Variants in PRXL2A observed in about 807,000 individuals in gnomAD.
The protein encoded by PRXL2A is peroxiredoxin like 2A, also known as peroxiredoxin-like 2A.
A neutral mutation model predicts 25.6 loss-of-function variants in PRXL2A; 26 were observed. The observed-to-expected ratio is 1.02, with a 90% confidence interval of 0.74 to 1.41. The LOEUF (loss-of-function observed/expected upper bound fraction) is 1.41. Among genes scored for constraint, PRXL2A ranks in the 40% most tolerant of loss-of-function variants. The pLI is 0.00. For missense variants in PRXL2A, 246 were observed against 273.9 expected, an observed-to-expected ratio of 0.90 and a Z score of 0.72; for synonymous variants, 98 against 102.9, an observed-to-expected ratio of 0.95 and a Z score of 0.29.
rs1845347264 is a variant in PRXL2A at position 80,434,405 on chromosome 10, G to C, written c.*2306G>C. 1 of 152,182 alleles carries C rather than the reference G, an allele frequency of 6.6e-6. No homozygotes were observed. Among genetic ancestry groups the C allele is most frequent in the Non-Finnish European group, 1.5e-5 (1 of 68,038 alleles). The allele number at this position is 152,182 out of a possible 1,614,324, so 9.4% of individuals were successfully genotyped here. A position where few individuals can be genotyped will look rare whatever the true frequency, so the allele number is the denominator to read the frequency against. ...TCCCATTCAGGGCTGTTTATGATAA[G>C]TCACTGAGGGAATGATAAATATTAT... On this transcript the variant is annotated 3_prime_UTR_variant, in exon 6 of 6. Transcript: ENST00000606162.
rs1359443820 is a variant in PRXL2A, at chr10:80,420,663, A to G, written c.178+18A>G. 1.9e-6 allele frequency: 3 copies of G among 1,550,562 alleles called. No individual in the cohort carries two copies. Among genetic ancestry groups the G allele is most frequent in the Non-Finnish European group, 2.6e-6 (3 of 1,141,818 alleles). ...GGAGAAGGGTAAGTGGTGACCCTTCAGGTCTCAGTACTTTTCCAAGGAGCT... is the reference window on the plus strand; with the variant it reads ...GGAGAAGGGTAAGTGGTGACCCTTCGGGTCTCAGTACTTTTCCAAGGAGCT... On this transcript the variant is annotated intron_variant, in intron 2 of 5. Coordinates refer to ENST00000606162, the MANE Select transcript of PRXL2A (RefSeq NM_032333.5).
At chr10:80,418,298 C>T (rs1589555061) in intron 1 of PRXL2A, among the ~76,000 whole-genome samples, 1 of 152,160 alleles carries the variant, frequency 6.6e-6, no homozygotes, top group African/African-American at 2.4e-5. Context: ...GGTTAGTTCA[C>T]TTAGGATGAT....
intron 5 of PRXL2A, among the ~76,000 whole-genome samples, chr10:80,428,177 A>G (rs1845117273): frequency 6.6e-6 from 1 of 152,110 alleles, no homozygotes; most frequent in African/African-American, 2.4e-5. Context: ...CCTGGCTGTG[A>G]GGCTCCACAA....
intron 5 of PRXL2A, among the ~76,000 whole-genome samples, chr10:80,429,082 TCA>T (rs1351928328): frequency 3.3e-5 from 5 of 151,992 alleles, no homozygotes; most frequent in African/African-American, 9.7e-5. Flanking sequence ...TTTTGTATTT[TCA>T]GTAGAGACAG....
chr10:80,420,934 G>C (rs1251638088), intron 2 of PRXL2A, among the ~76,000 whole-genome samples: 1 of 152,068 alleles, frequency 6.6e-6, no homozygotes, highest in Non-Finnish European at 1.5e-5. Context: ...CTCTGTTGTT[G>C]TCTCTGTAAT....
intron 1 of PRXL2A, among the ~76,000 whole-genome samples, 176 bp downstream of exon 1, chr10:80,408,819 C>T (rs1844356291): frequency 6.6e-6 from 1 of 152,170 alleles, no homozygotes; most frequent in Non-Finnish European, 1.5e-5. Flanking sequence ...CGCTGGCGCT[C>T]CCTCCGAGGA....
intron 1 of PRXL2A, among the ~76,000 whole-genome samples, chr10:80,417,816 A>G (rs1342354275): frequency 1.4e-5 from 2 of 145,408 alleles, no homozygotes; most frequent in Non-Finnish European, 3.0e-5. Context: ...GTTCTGGGCT[A>G]TAGTGATCCT....
At chr10:80,410,445 C>T (rs1844440286) in intron 1 of PRXL2A, among the ~76,000 whole-genome samples, 1 of 152,236 alleles carries the variant, frequency 6.6e-6, no homozygotes, top group Non-Finnish European at 1.5e-5. Flanking sequence ...GAACGTTCAC[C>T]AGAAAGCAGG....
chr10:80,410,169 T>G (rs568972151), intron 1 of PRXL2A, among the ~76,000 whole-genome samples: 1 of 152,390 alleles, frequency 6.6e-6, no homozygotes, highest in South Asian at 2.1e-4. Context: ...AGTTGGGTTC[T>G]TGCTTCTTTG....
intron 5 of PRXL2A, among the ~76,000 whole-genome samples, chr10:80,429,300 G>A (rs1280453303): frequency 2.0e-5 from 3 of 152,210 alleles, no homozygotes; most frequent in African/African-American, 7.2e-5. Context: ...AAGTGTCTTA[G>A]TAATAATGGT....
At chr10:80,421,486 A>G (rs1844862675) in intron 2 of PRXL2A, among the ~76,000 whole-genome samples, 1 of 152,134 alleles carries the variant, frequency 6.6e-6, no homozygotes, top group African/African-American at 2.4e-5. Flanking sequence ...TTTAGTAAGT[A>G]AGGAAGCTTG....
intron 1 of PRXL2A, chr10:80,420,265 C>G (rs1199939104): frequency 4.9e-5 from 65 of 1,327,994 alleles, no homozygotes; most frequent in Non-Finnish European, 5.3e-5. Context: ...GTGCAGGAAC[C>G]TCCATGTGTG....
In PRXL2A at chr10:80,435,230, AT is replaced by A. The variant is rs1041493616; in HGVS notation, c.*3133del. The A allele has an allele frequency of 6.6e-6, 1 of 152,198 alleles. No homozygotes were observed. Among genetic ancestry groups the A allele is most frequent in the Non-Finnish European group, 1.5e-5 (1 of 68,052 alleles). The allele number at this position is 152,198 out of a possible 1,614,324, so 9.4% of individuals were successfully genotyped here. ...CTCCATCTCAAGAAAAACGAGGGAGATTAGAAACCTATGATCAGGCATTGGC... is the reference window on the plus strand; with the variant it reads ...CTCCATCTCAAGAAAAACGAGGGAGATAGAAACCTATGATCAGGCATTGGC... On this transcript the variant is annotated 3_prime_UTR_variant, in exon 6 of 6. Coordinates refer to ENST00000606162, the MANE Select transcript of PRXL2A (RefSeq NM_032333.5).
At position 80,420,654 on chromosome 10, in the gene PRXL2A, T is replaced by A. The variant is rs749990998; in HGVS notation, c.178+9T>A. The A allele has an allele frequency of 6.3e-7, 1 of 1,585,920 alleles. No homozygotes were observed. The highest frequency in any genetic ancestry group is 1.1e-5 in the South Asian group (1 of 87,046). Reference sequence around the variant, plus strand: ...GAAAACACTGGAGAAGGGTAAGTGGTGACCCTTCAGGTCTCAGTACTTTTC... The same window carrying A: ...GAAAACACTGGAGAAGGGTAAGTGGAGACCCTTCAGGTCTCAGTACTTTTC... On this transcript the variant is annotated intron_variant, in intron 2 of 5. Transcript: ENST00000606162.
At chr10:80,420,919 T>C (rs1442757704) in intron 2 of PRXL2A, among the ~76,000 whole-genome samples, 1 of 152,226 alleles carries the variant, frequency 6.6e-6, no homozygotes, top group Non-Finnish European at 1.5e-5. Context: ...AAAGCATTTC[T>C]CATTCTCTGT....
rs7070390 is a variant in PRXL2A at position 80,417,821 on chromosome 10, G to A, written c.-2-2645G>A. Reference sequence around the variant, plus strand: ...CTAGGCTGGAGTTCTGGGCTATAGTGATCCTACCACCTCAGCCTCCCAAAT... The same window carrying A: ...CTAGGCTGGAGTTCTGGGCTATAGTAATCCTACCACCTCAGCCTCCCAAAT... On this transcript the variant is annotated intron_variant, in intron 1 of 5. Transcript: ENST00000606162. Among the ~76,000 whole-genome samples the A allele has an allele frequency of 8.8e-3, 1,281 of 145,990 alleles. 21 individuals are homozygous for A. Among genetic ancestry groups the A allele is most frequent in the African/African-American group, 0.031 (1,231 of 39,490 alleles).
chr10:80,420,494 CT>C lies in PRXL2A; in HGVS notation c.29del (p.Phe10SerfsTer43). 1 of 1,600,096 alleles carries C rather than the reference CT, an allele frequency of 6.2e-7. No individual in the cohort carries two copies. The highest frequency in any genetic ancestry group is 8.5e-7 in the Non-Finnish European group (1 of 1,171,994). On this transcript the variant is annotated frameshift_variant, in exon 2 of 6. Transcript: ENST00000606162. LOFTEE classifies it high-confidence loss of function. MSFLQDPSF[F>X]TMGMWSIGAG... ...TGTCTTTCCTCCAGGACCCAAGTTT[CT>C]TCACCATGGGGATGTGGTCCATTGG...
chr10:80,423,747 C>T (rs190407816), intron 3 of PRXL2A, among the ~76,000 whole-genome samples: 1 of 152,056 alleles, frequency 6.6e-6, no homozygotes, highest in Admixed American at 6.5e-5. Flanking sequence ...ACAAAGCCAC[C>T]CGGATCGGGG....
At chr10:80,420,367 C>T in intron 1 of PRXL2A, 99 bp from the exon 2 acceptor site, 2 of 1,500,232 alleles carry the variant, frequency 1.3e-6, no homozygotes, top group Non-Finnish European at 1.8e-6. Context: ...CCTGTCCTGA[C>T]CTCCTGGTTG....
Sources: allele counts gnomAD v4.1 joint callset (sites outside exome capture counted in the v4.1 genomes callset), GRCh38; gene constraint gnomAD v4.1.1; transcripts MANE v1.5; gene names NCBI Gene and HGNC (gene_info 2026-07-23, HGNC 2026-07-21).